Variants in ATL3 observed in about 807,000 individuals in gnomAD.
ATL3 encodes the protein atlastin-3.
ATL3 carries 49 observed loss-of-function variants against 69.5 expected under a neutral mutation model. That is an observed-to-expected ratio of 0.71 (90% confidence interval 0.56 to 0.89). The LOEUF (loss-of-function observed/expected upper bound fraction) is 0.89. ATL3 is among the 40% of genes least tolerant of loss of function. ATL3 has a pLI of 0.00. For missense variants in ATL3, 606 were observed against 645.7 expected (o/e 0.94, Z 0.67); for synonymous variants, 214 against 224.1 (o/e 0.95, Z 0.40).
chr11:63,636,074 G>A (rs1381869770), intron 9 of ATL3, 133 bp downstream of exon 9: 3 of 1,109,878 alleles, frequency 2.7e-6, no homozygotes, highest in Non-Finnish European at 3.8e-6. Flanking sequence ...GGACACCAAG[G>A]TCTCTGAAAA....
At chr11:63,669,261 G>A (rs1215149075) in intron 1 of ATL3, among the ~76,000 whole-genome samples, 3 of 152,076 alleles carry the variant, frequency 2.0e-5, no homozygotes, top group African/African-American at 2.4e-5. Flanking sequence ...TGGGCCAGGC[G>A]CCGTGGCTCA....
chr11:63,648,354 T>C (rs1044015113), intron 5 of ATL3, among the ~76,000 whole-genome samples: 6 of 152,018 alleles, frequency 3.9e-5, no homozygotes, highest in African/African-American at 9.7e-5. Context: ...GCAAAAAAAA[T>C]AGACATTTAG....
At chr11:63,638,487 T>C (rs1053513621) in intron 8 of ATL3, among the ~76,000 whole-genome samples, 1 of 152,116 alleles carries the variant, frequency 6.6e-6, no homozygotes, top group South Asian at 2.1e-4. Context: ...GGCAGATTGC[T>C]TGAGGCCAGG....
At chr11:63,658,361 A>C (rs1377346638) in intron 3 of ATL3, among the ~76,000 whole-genome samples, 1 of 152,242 alleles carries the variant, frequency 6.6e-6, no homozygotes, top group African/African-American at 2.4e-5. Context: ...AATAGGAATT[A>C]ACAGAGTCAG....
chr11:63,652,163 C>A (rs1270747395), intron 4 of ATL3, among the ~76,000 whole-genome samples, 177 bp from the exon 5 acceptor site: 4 of 152,096 alleles, frequency 2.6e-5, no homozygotes, highest in Admixed American at 1.3e-4. Flanking sequence ...AGATTGAAAT[C>A]AAAAATTCCT....
intron 8 of ATL3, among the ~76,000 whole-genome samples, chr11:63,638,786 C>T (rs189068079): frequency 6.6e-6 from 1 of 151,478 alleles, no homozygotes; most frequent in East Asian, 1.9e-4. Flanking sequence ...AGCAGCTCAG[C>T]ATCAGTTATA....
intron 1 of ATL3, among the ~76,000 whole-genome samples, chr11:63,669,014 TGG>T (rs141346620): frequency 9.2e-6 from 1 of 108,750 alleles, no homozygotes; most frequent in African/African-American, 3.5e-5. Context: ...TTTTTTTGGG[TGG>T]GGGGGGGCGT....
At chr11:63,660,455 C>G (rs2134527541) in intron 1 of ATL3, among the ~76,000 whole-genome samples, 1 of 152,304 alleles carries the variant, frequency 6.6e-6, no homozygotes, top group Admixed American at 6.5e-5. Flanking sequence ...AACCGCAATT[C>G]TCACACATTC....
intron 1 of ATL3, among the ~76,000 whole-genome samples, chr11:63,661,746 C>T (rs970122323): frequency 2.0e-5 from 3 of 151,826 alleles, no homozygotes; most frequent in African/African-American, 2.4e-5. Context: ...AAAATTAGCC[C>T]GGTGTGGTGG....
At chr11:63,654,918 T>C (rs1940195712) in intron 3 of ATL3, among the ~76,000 whole-genome samples, 1 of 151,986 alleles carries the variant, frequency 6.6e-6, no homozygotes, top group South Asian at 2.1e-4. Context: ...AAAGTTGTTT[T>C]CTGTTAATTT....
chr11:63,634,745 C>T (rs1939459056), intron 10 of ATL3, among the ~76,000 whole-genome samples: 1 of 152,150 alleles, frequency 6.6e-6, no homozygotes, highest in Non-Finnish European at 1.5e-5. Context: ...ACAGGTCAGG[C>T]ACAGTGGCTT....
At chr11:63,652,328 A>G (rs1940102955) in intron 4 of ATL3, 143 bp downstream of exon 4, 4 of 584,272 alleles carry the variant, frequency 6.8e-6, no homozygotes, top group South Asian at 5.3e-5. Context: ...CAAACTTTTA[A>G]AAGTTTAACT....
chr11:63,639,738 G>C (rs999581234), intron 8 of ATL3, among the ~76,000 whole-genome samples: 6 of 152,120 alleles, frequency 3.9e-5, no homozygotes, highest in African/African-American at 1.4e-4. Flanking sequence ...CTGGGCAACA[G>C]AGCAAGACCC....
intron 1 of ATL3, among the ~76,000 whole-genome samples, chr11:63,667,245 C>G (rs1381410734): frequency 6.6e-6 from 1 of 152,152 alleles, no homozygotes; most frequent in Non-Finnish European, 1.5e-5. Context: ...GGGACTACTT[C>G]ATTGCTGTAA....
rs1294457307 is a variant in ATL3, at chr11:63,629,398, G to A, written c.1547C>T (p.Ser516Phe). 6.2e-6 allele frequency: 10 copies of A among 1,613,942 alleles called. No homozygotes were observed. The highest frequency in any genetic ancestry group is 8.5e-6 in the Non-Finnish European group (10 of 1,179,838). ...GAAYVLEQAS[S>F]HIGNSTQATV... Reference sequence around the variant, plus strand: ...GGCCTGAGTGGAATTACCGATATGAGAAGAAGCCTGCAAAAGTCCATTTAT... The same window carrying A: ...GGCCTGAGTGGAATTACCGATATGAAAAGAAGCCTGCAAAAGTCCATTTAT... The change falls in exon 13 of 13, where the codon TCT (serine) becomes TTT (phenylalanine). Residue 516 changes from serine to phenylalanine, a missense_variant. By Grantham distance (155) the Ser-to-Phe change is radical. Coordinates refer to ENST00000398868, the MANE Select transcript of ATL3 (RefSeq NM_015459.5).
intron 1 of ATL3, among the ~76,000 whole-genome samples, chr11:63,665,345 CAAAAA>C (rs1234905053): frequency 1.3e-5 from 1 of 75,250 alleles, no homozygotes; most frequent in Admixed American, 1.6e-4. Context: ...GACTCCATCT[CAAAAA>C]AAAAAAAAAA....
At chr11:63,640,050 A>G (rs937082423) in intron 8 of ATL3, among the ~76,000 whole-genome samples, 2 of 151,550 alleles carry the variant, frequency 1.3e-5, no homozygotes, top group Non-Finnish European at 2.9e-5. Flanking sequence ...TGCCTCAGTC[A>G]CCCAAGTAGC....
intron 8 of ATL3, among the ~76,000 whole-genome samples, chr11:63,642,921 T>C (rs1939746228): frequency 6.6e-6 from 1 of 152,196 alleles, no homozygotes; most frequent in Non-Finnish European, 1.5e-5. Context: ...TCACCTACCA[T>C]TTAGTTAGCA....
chr11:63,630,423 T>C (rs1590715209), intron 12 of ATL3, among the ~76,000 whole-genome samples: 2 of 81,120 alleles, frequency 2.5e-5, no homozygotes, highest in East Asian at 5.4e-4. Context: ...TAAAAATCTG[T>C]CTCAAAAAAA....
Sources: gnomAD v4.1 joint callset for allele counts (sites outside exome capture counted in the v4.1 genomes callset) on GRCh38, gnomAD v4.1.1 for gene constraint, MANE v1.5 for transcripts, NCBI Gene and HGNC (gene_info 2026-07-23, HGNC 2026-07-21) for gene names.